Variants in SGCE observed in about 807,000 individuals in gnomAD.
SGCE encodes epsilon-sarcoglycan.
A neutral mutation model predicts 57.8 loss-of-function variants in SGCE; 26 were observed. That is an observed-to-expected ratio of 0.45 (90% CI 0.33 to 0.62). The LOEUF is 0.62. SGCE is among the 20% of genes least tolerant of loss of function. SGCE has a pLI of 0.02. For missense variants in SGCE, 468 were observed against 548.6 expected, an observed-to-expected ratio of 0.85 and a Z score of 1.47; for synonymous variants, 183 against 189.5, an observed-to-expected ratio of 0.97 and a Z score of 0.28.
In SGCE at chr7:94,600,701, C is replaced by T. The variant is rs2116693865; in HGVS notation, c.982G>A (p.Ala328Thr). ...LITLAVPSAV[A>T]LVLFLILAYI... ...GCAAGTATTAGAAAAAGGACCAGTG[C>T]CACTGCCGAGGGCACAGCCAGTGTA... The change falls in exon 7 of 11, where the codon GCA (alanine) becomes ACA (threonine). Residue 328 changes from alanine to threonine, a missense_variant. Ala to Thr is a moderately conservative substitution (Grantham distance 58). Transcript: ENST00000648936. 6.2e-7 allele frequency: 1 copy of T among 1,613,812 alleles called. No individual in the cohort carries two copies. The highest frequency in any genetic ancestry group is 1.7e-4 in the Middle Eastern group (1 of 6,056).
chr7:94,646,401 G>A (rs1180700123), intron 1 of SGCE, among the ~76,000 whole-genome samples: 1 of 152,124 alleles, frequency 6.6e-6, no homozygotes, highest in South Asian at 2.1e-4. Context: ...GGTATTTTCT[G>A]CTCCTTTGCT....
chr7:94,624,214 C>T (rs767017229), intron 3 of SGCE: 2 of 394,268 alleles, frequency 5.1e-6, no homozygotes, highest in African/African-American at 2.1e-5. Context: ...AATCCCAGCA[C>T]TAACCTTCTG....
intron 10 of SGCE, chr7:94,587,658 A>G (rs1269555719): frequency 1.3e-6 from 2 of 1,501,352 alleles, no homozygotes; most frequent in African/African-American, 2.9e-5. Flanking sequence ...ACATCAATAT[A>G]TTGAACAGTC....
In SGCE at chr7:94,618,823, T is replaced by C. The variant is rs777920643; in HGVS notation, c.597A>G (p.Ile199Met). Residue 199 changes from isoleucine (I) to methionine (M), a missense_variant, in exon 5 of 11, where the codon ATA (isoleucine) becomes ATG (methionine). Physicochemically the swap from Ile to Met is conservative, Grantham distance 10. Coordinates refer to ENST00000648936, the MANE Select transcript of SGCE (RefSeq NM_003919.3). ...NVWQPERLNA[I>M]NITSALDRGG... is the part of the protein sequence containing the mutation. ...CCCTGTCTAGGGCCGATGTGATGTTTATGGCGTTCAGGCGCTCTGGCTGCC... is the reference window on the plus strand; with the variant it reads ...CCCTGTCTAGGGCCGATGTGATGTTCATGGCGTTCAGGCGCTCTGGCTGCC... 24 of 1,614,076 alleles carry C rather than the reference T, an allele frequency of 1.5e-5. No homozygotes were observed. The highest frequency in any genetic ancestry group is 2.0e-5 in the Non-Finnish European group (24 of 1,179,982).
intron 1 of SGCE, chr7:94,639,276 G>A: frequency 1.0e-6 from 1 of 986,944 alleles, no homozygotes; most frequent in Non-Finnish European, 1.5e-6. Flanking sequence ...AAAGGGAAGA[G>A]ACTATTGGAA....
chr7:94,623,197 T>A, intron 4 of SGCE, 128 bp downstream of exon 4: 1 of 593,080 alleles, frequency 1.7e-6, no homozygotes, highest in Non-Finnish European at 3.0e-6. Flanking sequence ...CTTTTCTATA[T>A]CTTATTATTT....
chr7:94,637,053 C>A (rs1805687858), intron 1 of SGCE, among the ~76,000 whole-genome samples: 1 of 149,540 alleles, frequency 6.7e-6, no homozygotes. Context: ...GAGCGAAACT[C>A]CATCTCAAAA....
chr7:94,607,264 G>A (rs969414087), intron 5 of SGCE, among the ~76,000 whole-genome samples: 1 of 152,038 alleles, frequency 6.6e-6, no homozygotes, highest in South Asian at 2.1e-4. Flanking sequence ...TTTCTCAGAA[G>A]ACAAAAGCCA....
intron 10 of SGCE, 55 bp from the exon 11 acceptor site, chr7:94,585,570 T>C: frequency 2.4e-6 from 3 of 1,270,874 alleles, no homozygotes; most frequent in South Asian, 2.4e-5. Context: ...TGGATACTTT[T>C]AGATTTTGAG....
chr7:94,592,321 A>C (rs1033831409), intron 9 of SGCE, among the ~76,000 whole-genome samples: 7 of 152,214 alleles, frequency 4.6e-5, no homozygotes, highest in Admixed American at 1.3e-4. Context: ...ATGCAGGAAG[A>C]AAGTGGCAAA....
At chr7:94,598,639 T>C (rs927524787) in intron 9 of SGCE, 136 bp downstream of exon 9, 1 of 753,334 alleles carries the variant, frequency 1.3e-6, no homozygotes, top group African/African-American at 1.7e-5. Context: ...AGGGGTGAGA[T>C]TTACACAATG....
At position 94,601,443 on chromosome 7, in the gene SGCE, C is replaced by CAAAAAAAAAAAAAAAA. The variant is rs71123905; in HGVS notation, c.826-602_826-587dup. Among the ~76,000 whole-genome samples the CAAAAAAAAAAAAAAAA allele has an allele frequency of 2.5e-4, 22 of 89,326 alleles. 2 individuals carry two copies. Among genetic ancestry groups the CAAAAAAAAAAAAAAAA allele is most frequent in the East Asian group, 1.2e-3 (3 of 2,414 alleles). 58.6% of individuals were successfully genotyped at this position (89,326 alleles called of 152,430 possible). ...GTCTTACTTAATTCTATCCCAGTAT[C>CAAAAAAAAAAAAAAAA]AAAAAAAAAAAAAAAAAAAAAAAAA... On this transcript the variant is annotated intron_variant, in intron 6 of 10. Coordinates refer to ENST00000648936, the MANE Select transcript of SGCE (RefSeq NM_003919.3).
At chr7:94,623,600 T>G (rs1356853937) in intron 3 of SGCE, 2 of 532,240 alleles carry the variant, frequency 3.8e-6, no homozygotes, top group African/African-American at 1.9e-5. Flanking sequence ...TCAGGTCTAT[T>G]TAATATACTG....
chr7:94,624,209 C>T (rs1455075086), intron 3 of SGCE: 1 of 395,292 alleles, frequency 2.5e-6, no homozygotes, highest in African/African-American at 2.1e-5. Context: ...CTTAGAATCC[C>T]AGCACTAACC....
chr7:94,629,612 C>T (rs1335804565), intron 2 of SGCE, 107 bp downstream of exon 2: 1 of 999,184 alleles, frequency 1.0e-6, no homozygotes, highest in Non-Finnish European at 1.6e-6. Context: ...CATATTTAGA[C>T]CATTTGAAAT....
At chr7:94,606,719 T>TA (rs934411539) in intron 5 of SGCE, among the ~76,000 whole-genome samples, 4 of 152,116 alleles carry the variant, frequency 2.6e-5, no homozygotes, top group African/African-American at 9.7e-5. Context: ...TTCCAGACCA[T>TA]AAAAAATTAA....
At chr7:94,588,854 A>G in intron 9 of SGCE, 122 bp from the exon 10 acceptor site, 1 of 1,020,820 alleles carries the variant, frequency 9.8e-7, no homozygotes, top group Non-Finnish European at 1.5e-6. Context: ...AATCCAGCAC[A>G]ATTCCCCTCC....
At chr7:94,644,719 G>T in intron 1 of SGCE, 1 of 879,756 alleles carries the variant, frequency 1.1e-6, no homozygotes, top group Non-Finnish European at 1.6e-6. Flanking sequence ...TATAGCTCAC[G>T]TGTCCGGCAT....
chr7:94,629,648 T>C lies in SGCE; in HGVS notation c.232+71A>G. On this transcript the variant is annotated intron_variant, in intron 2 of 10. Transcript: ENST00000648936. ...AATGTTAATGATATTTTATCATATA[T>C]GTCTATATTATGCAAATTAAACAAA... The C allele has an allele frequency of 6.9e-6, 9 of 1,297,316 alleles. No individual in the cohort carries two copies. The Admixed American group carries it at 8.4e-5, about 12-fold the overall frequency. 80.4% of individuals were successfully genotyped at this position (1,297,316 alleles called of 1,614,324 possible).
Sources: gnomAD v4.1 joint callset for allele counts (sites outside exome capture counted in the v4.1 genomes callset) on GRCh38, gnomAD v4.1.1 for gene constraint, MANE v1.5 for transcripts, NCBI Gene and HGNC (gene_info 2026-07-23, HGNC 2026-07-21) for gene names.